DIPK1A: variants seen among roughly 807,000 people sequenced by gnomAD.
DIPK1A encodes the protein divergent protein kinase domain 1A.
DIPK1A carries 27 observed loss-of-function variants against 40.8 expected under a neutral mutation model. The ratio of observed to expected loss-of-function variants is 0.66; its 90% CI spans 0.49 to 0.91. The LOEUF is 0.91. Ranked by LOEUF, DIPK1A falls within the 40% of genes least tolerant of loss-of-function variation. The probability of loss-of-function intolerance (pLI) is 0.00; values close to 1 mark genes in which losing one functional copy is unlikely to be tolerated. For synonymous variants in DIPK1A, 166 were observed against 171.3 expected (o/e 0.97, Z 0.24); for missense variants, 412 against 505.7 (o/e 0.81, Z 1.78).
At chr1:92,891,923 C>G (rs761330255) in intron 1 of DIPK1A, among the ~76,000 whole-genome samples, 6 of 152,174 alleles carry the variant, frequency 3.9e-5, no homozygotes, top group Non-Finnish European at 8.8e-5. Context: ...GCACAGCAGT[C>G]TGAGATCAAA....
intron 2 of DIPK1A, among the ~76,000 whole-genome samples, chr1:92,864,525 C>T (rs1647442783): frequency 6.6e-6 from 1 of 152,114 alleles, no homozygotes; most frequent in Admixed American, 6.5e-5. Context: ...ACAATATGGT[C>T]CTGAGAAATG....
chr1:92,848,354 G>A (rs908709716), intron 3 of DIPK1A, among the ~76,000 whole-genome samples: 25 of 152,060 alleles, frequency 1.6e-4, no homozygotes, highest in African/African-American at 5.6e-4. Context: ...AGCTAGCCTC[G>A]CCTATGTCTC....
intron 1 of DIPK1A, chr1:92,877,291 G>T: frequency 4.3e-6 from 1 of 231,086 alleles, no homozygotes; most frequent in South Asian, 1.6e-4. Flanking sequence ...TGAGTCTGTA[G>T]CACCCATGGT....
At chr1:92,840,527 ACT>A (rs750819499), downstream of DIPK1A, 41 of 1,566,506 alleles carry the variant, frequency 2.6e-5, 1 homozygote, top group Admixed American at 8.3e-5. Context: ...GAAACCAAGT[ACT>A]GTTTGCTTTC....
chr1:92,854,913 T>G (rs1687933312), intron 2 of DIPK1A, among the ~76,000 whole-genome samples: 1 of 152,202 alleles, frequency 6.6e-6, no homozygotes, highest in African/African-American at 2.4e-5. Context: ...AGGAGGAGCT[T>G]GAGTGAAAGC....
At chr1:92,865,451 T>C (rs546348644) in intron 2 of DIPK1A, among the ~76,000 whole-genome samples, 1 of 151,904 alleles carries the variant, frequency 6.6e-6, no homozygotes, top group African/African-American at 2.4e-5. Context: ...AAAAAAAAAA[T>C]GGATTTTTCC....
chr1:92,851,030 C>A (rs1165780735), intron 2 of DIPK1A, 75 bp from the exon 3 acceptor site: 25 of 916,586 alleles, frequency 2.7e-5, no homozygotes, highest in Non-Finnish European at 4.2e-5. Context: ...TATCTATATC[C>A]TTTATGAGTA....
In DIPK1A at chr1:92,844,835, TA is replaced by T. The variant is rs1687519802; in HGVS notation, c.475-641del. Among the ~76,000 whole-genome samples, 3 of 152,004 alleles carry T rather than the reference TA, an allele frequency of 2.0e-5. No homozygotes were observed. The South Asian group carries it at 6.2e-4, about 31-fold the overall frequency. On this transcript the variant is annotated intron_variant, in intron 4 of 4. Transcript: ENST00000370310. ...TATTTCCGTTAGTCTGAAATACATGTAAAATGGCCAAATAAAAAATTTGAGT... is the reference window on the plus strand; with the variant it reads ...TATTTCCGTTAGTCTGAAATACATGTAAATGGCCAAATAAAAAATTTGAGT...
chr1:92,848,808 A>G (rs1687715698), intron 3 of DIPK1A, among the ~76,000 whole-genome samples: 1 of 152,188 alleles, frequency 6.6e-6, no homozygotes, highest in Non-Finnish European at 1.5e-5. Flanking sequence ...TGTTTTAGAA[A>G]TTGTCTTTAA....
At chr1:92,921,212 C>A (rs759898682) in intron 1 of DIPK1A, among the ~76,000 whole-genome samples, 6 of 152,070 alleles carry the variant, frequency 3.9e-5, no homozygotes, top group Non-Finnish European at 7.4e-5. Flanking sequence ...ATAAGAAAAG[C>A]GTGAGACACA....
At chr1:92,889,646 T>C (rs1380700720) in intron 1 of DIPK1A, among the ~76,000 whole-genome samples, 1 of 148,498 alleles carries the variant, frequency 6.7e-6, no homozygotes, top group Non-Finnish European at 1.5e-5. Context: ...TATCTTTCCT[T>C]TTTTTTTTTA....
chr1:92,846,908 C>CGT (rs1455930995), intron 4 of DIPK1A, among the ~76,000 whole-genome samples: 1 of 71,212 alleles, frequency 1.4e-5, no homozygotes, highest in East Asian at 2.8e-4. Context: ...TATATATATA[C>CGT]GTGTATATAT....
intron 1 of DIPK1A, among the ~76,000 whole-genome samples, chr1:92,878,655 C>G (rs1648232427): frequency 6.6e-6 from 1 of 152,144 alleles, no homozygotes; most frequent in Non-Finnish European, 1.5e-5. Context: ...CCCATCTCTA[C>G]TAAAAATACA....
chr1:92,851,549 A>AAAAAAAAAC (rs1230811117), intron 2 of DIPK1A, among the ~76,000 whole-genome samples: 6 of 94,178 alleles, frequency 6.4e-5, no homozygotes, highest in Non-Finnish European at 1.4e-4. Context: ...TCTCAAAAAA[A>AAAAAAAAAC]AAAAAAAAAA....
At chr1:92,917,628 T>C (rs1406994156) in intron 1 of DIPK1A, among the ~76,000 whole-genome samples, 1 of 152,202 alleles carries the variant, frequency 6.6e-6, no homozygotes, top group Non-Finnish European at 1.5e-5. Flanking sequence ...AAGTTTGAAT[T>C]TACATAAGTG....
chr1:92,841,872 C>T (rs571701737), downstream of DIPK1A: 1 of 1,606,274 alleles, frequency 6.2e-7, no homozygotes, highest in East Asian at 2.2e-5. Flanking sequence ...CTAAACCCAG[C>T]AATTTTCTAT....
intron 2 of DIPK1A, among the ~76,000 whole-genome samples, chr1:92,864,919 G>A (rs1428928006): frequency 6.6e-6 from 1 of 150,806 alleles, no homozygotes. Flanking sequence ...GTGTGTGTCT[G>A]TAATCCCAGC....
chr1:92,923,748 A>G (rs1274700869), intron 1 of DIPK1A, among the ~76,000 whole-genome samples: 2 of 152,192 alleles, frequency 1.3e-5, no homozygotes. Flanking sequence ...GCTCTAATCT[A>G]CAGCTGCATA....
chr1:92,887,254 TAAA>T (rs60399090), intron 1 of DIPK1A, among the ~76,000 whole-genome samples: 2 of 106,920 alleles, frequency 1.9e-5, no homozygotes. Flanking sequence ...CCATCTCTAC[TAAA>T]AAAAAAAAAA....
Sources: gnomAD v4.1 joint callset for allele counts (sites outside exome capture counted in the v4.1 genomes callset) on GRCh38, gnomAD v4.1.1 for gene constraint, MANE v1.5 for transcripts, NCBI Gene and HGNC (gene_info 2026-07-23, HGNC 2026-07-21) for gene names.